The following PCDH11Y variants were observed in gnomAD, a reference collection of about 807,000 sequenced individuals.
PCDH11Y encodes the protein protocadherin 11 Y-linked.
For missense variants in PCDH11Y, 12 were observed against 224.8 expected, an observed-to-expected ratio of 0.05 and a Z score of 6.05; for synonymous variants, 9 against 83.6, an observed-to-expected ratio of 0.11 and a Z score of 4.87.
chrY:5,117,799 T>C, intron 2 of PCDH11Y, among the ~76,000 whole-genome samples: 6 of 31,568 alleles, frequency 1.9e-4, no homozygotes, highest in African/African-American at 4.9e-4. Flanking sequence ...CAGAAAGATA[T>C]TTATGTAAGT....
At chrY:5,309,521 A>C in intron 2 of PCDH11Y, among the ~76,000 whole-genome samples, 2 of 33,771 alleles carry the variant, frequency 5.9e-5, no homozygotes, top group East Asian at 1.6e-3. Flanking sequence ...GTTGGAAAAA[A>C]AAATAACTTT....
intron 2 of PCDH11Y, among the ~76,000 whole-genome samples, chrY:5,494,554 C>T: frequency 5.0e-4 from 16 of 32,144 alleles, no homozygotes; most frequent in Admixed American, 1.2e-3. Flanking sequence ...CACACACACA[C>T]ACACACACAC....
intron 2 of PCDH11Y, among the ~76,000 whole-genome samples, chrY:5,119,992 G>A: frequency 3.0e-5 from 1 of 33,609 alleles, no homozygotes; most frequent in African/African-American, 1.2e-4. Context: ...GGAAAATTCT[G>A]TGAGTGTTTG....
intron 3 of PCDH11Y, among the ~76,000 whole-genome samples, chrY:5,562,737 C>T (rs2053430149): frequency 5.4e-5 from 1 of 18,618 alleles, no homozygotes; most frequent in Admixed American, 6.1e-4. Flanking sequence ...GTCCGCAGTC[C>T]GGCCTGGGCG....
chrY:5,725,963 C>A (rs2053598488), intron 4 of PCDH11Y, among the ~76,000 whole-genome samples: 1 of 31,251 alleles, frequency 3.2e-5, no homozygotes. Context: ...ACTTCATTAG[C>A]AGTTAGGGAT....
chrY:5,080,662 G>T (rs2052717778), intron 1 of PCDH11Y, among the ~76,000 whole-genome samples: 1 of 31,246 alleles, frequency 3.2e-5, no homozygotes, highest in Non-Finnish European at 7.7e-5. Context: ...TTTTCTGGTC[G>T]CATGTATATC....
chrY:5,499,494 A>G, intron 2 of PCDH11Y, among the ~76,000 whole-genome samples: 2 of 32,396 alleles, frequency 6.2e-5, no homozygotes, highest in African/African-American at 2.4e-4. Context: ...AAAACTAAAG[A>G]AGATTCAAGT....
chrY:5,051,046 TTC>T (rs2052650981), intron 3 of PCDH11Y, among the ~76,000 whole-genome samples: 1 of 32,725 alleles, frequency 3.1e-5, no homozygotes, highest in Non-Finnish European at 7.5e-5. Flanking sequence ...GCCCATCACT[TTC>T]TGTTTCTTTC....
chrY:5,480,069 C>G, intron 2 of PCDH11Y, among the ~76,000 whole-genome samples: 8 of 31,907 alleles, frequency 2.5e-4, no homozygotes, highest in African/African-American at 9.9e-4. Flanking sequence ...AGTTTTGTGC[C>G]CTTGCTGAAG....
At chrY:5,442,493 A>G in intron 2 of PCDH11Y, among the ~76,000 whole-genome samples, 1 of 32,170 alleles carries the variant, frequency 3.1e-5, no homozygotes, top group Non-Finnish European at 7.6e-5. Flanking sequence ...GAAGATCTCA[A>G]ATTAACTATC....
At chrY:5,230,947 C>T in intron 2 of PCDH11Y, among the ~76,000 whole-genome samples, 1 of 28,719 alleles carries the variant, frequency 3.5e-5, no homozygotes, top group Non-Finnish European at 8.1e-5. Flanking sequence ...ATGCATTATT[C>T]AGTAAGCCAA....
chrY:5,409,780 T>C, intron 2 of PCDH11Y, among the ~76,000 whole-genome samples: 1 of 33,544 alleles, frequency 3.0e-5, no homozygotes, highest in Non-Finnish European at 7.4e-5. Flanking sequence ...TTTTGTTTCT[T>C]ATTGTTATTA....
intron 3 of PCDH11Y, among the ~76,000 whole-genome samples, chrY:5,537,249 A>G (rs1602939876): frequency 4.7e-5 from 1 of 21,473 alleles, no homozygotes; most frequent in South Asian, 9.9e-4. Context: ...CAGAATTTCT[A>G]TTGGCAAATG....
At chrY:5,404,793 G>C in intron 2 of PCDH11Y, among the ~76,000 whole-genome samples, 2 of 33,897 alleles carry the variant, frequency 5.9e-5, no homozygotes, top group Admixed American at 5.4e-4. Flanking sequence ...TCAGCATGTT[G>C]ACTTGTGGAA....
chrY:5,359,804 C>T, intron 2 of PCDH11Y, among the ~76,000 whole-genome samples: 5 of 33,011 alleles, frequency 1.5e-4, no homozygotes, highest in African/African-American at 3.5e-4. Flanking sequence ...TCATGTTATT[C>T]GTCTTCTCTG....
intron 2 of PCDH11Y, among the ~76,000 whole-genome samples, chrY:5,383,765 C>T: frequency 6.3e-5 from 2 of 31,504 alleles, no homozygotes; most frequent in Admixed American, 3.0e-4. Flanking sequence ...GTTACAGGCA[C>T]GCACTGCCAT....
chrY:5,056,558 A>G, exon 1 of PCDH11Y: 1 of 163,639 alleles, frequency 6.1e-6, no homozygotes, highest in African/African-American at 9.3e-5. Context: ...TAACTATTGA[A>G]TTAAATATTT....
intron 3 of PCDH11Y, among the ~76,000 whole-genome samples, chrY:5,570,348 G>C: frequency 3.4e-5 from 1 of 29,027 alleles, no homozygotes; most frequent in Non-Finnish European, 8.2e-5. Context: ...CTCCACAGTA[G>C]ATATCCAATA....
chrY:5,240,222 C>G, intron 2 of PCDH11Y, among the ~76,000 whole-genome samples: 1 of 33,546 alleles, frequency 3.0e-5, no homozygotes, highest in Non-Finnish European at 7.4e-5. Flanking sequence ...GTCACATCCT[C>G]AAGCTCCACT....
Sources: allele counts gnomAD v4.1 joint callset (sites outside exome capture counted in the v4.1 genomes callset), GRCh38; gene constraint gnomAD v4.1.1; transcripts MANE v1.5; gene names NCBI Gene and HGNC (gene_info 2026-07-23, HGNC 2026-07-21).